ASTN2: variants seen among roughly 807,000 people sequenced by gnomAD.
The protein encoded by ASTN2 is astrotactin 2, also known as astrotactin-2.
Under a neutral mutation model 139.8 loss-of-function variants are expected in ASTN2, and 54 were observed. The ratio of observed to expected loss-of-function variants is 0.39; its 90% CI spans 0.31 to 0.48. ASTN2 has a LOEUF of 0.48. Among genes scored for constraint, ASTN2 ranks in the 20% least tolerant of loss-of-function variants. The pLI is 0.95. For synonymous variants in ASTN2, 756 were observed against 719.5 expected (o/e 1.05, Z -0.81); for missense variants, 1,565 against 1,725.1 (o/e 0.91, Z 1.64).
intron 20 of ASTN2, among the ~76,000 whole-genome samples, chr9:116,445,705 A>C (rs1250025076): frequency 6.6e-6 from 1 of 152,178 alleles, no homozygotes; most frequent in Non-Finnish European, 1.5e-5. Flanking sequence ...GCCTGCTTTG[A>C]GCCTCAGTCT....
chr9:117,012,220 C>T (rs1378629467), intron 6 of ASTN2, among the ~76,000 whole-genome samples: 2 of 152,136 alleles, frequency 1.3e-5, no homozygotes, highest in Non-Finnish European at 2.9e-5. Flanking sequence ...CCTGTGAGAG[C>T]CAGAATACAA....
rs1053272112 is a variant in ASTN2 at position 117,414,307 on chromosome 9, G to C, written c.442+190C>G. 1.3e-5 allele frequency among the ~76,000 whole-genome samples: 2 copies of C among 152,214 alleles called. No individual in the cohort carries two copies. Among genetic ancestry groups the C allele is most frequent in the Middle Eastern group, 3.4e-3 (1 of 294 alleles). On this transcript the variant is annotated intron_variant, in intron 1 of 22. Transcript: ENST00000313400. The surrounding 1 kb of genome is among the most constrained non-coding windows in gnomAD (Gnocchi z 4.2). The stretch of plus-strand genomic sequence containing the variant: ...GCACGCCCCCAGGCTCCCGCCGCGC[G>C]CTCTCCAGGACCTCCTCCCACATGC...
At chr9:116,977,813 T>G (rs1183852644) in intron 7 of ASTN2, among the ~76,000 whole-genome samples, 1 of 150,174 alleles carries the variant, frequency 6.7e-6, no homozygotes, top group Non-Finnish European at 1.5e-5. Context: ...ACCTCCCAGC[T>G]TCAAGTGATT....
chr9:117,285,080 T>C (rs1270143975), intron 2 of ASTN2, among the ~76,000 whole-genome samples: 1 of 152,244 alleles, frequency 6.6e-6, no homozygotes, highest in Non-Finnish European at 1.5e-5. Flanking sequence ...GATTACTCAG[T>C]TATTATTTCT....
In ASTN2 at chr9:116,815,804, CAAAAAAA is replaced by C. The variant is rs55954354; in HGVS notation, c.2207+4806_2207+4812del. On this transcript the variant is annotated intron_variant, in intron 12 of 22. Transcript: ENST00000313400. ...TGGGCAACAGAGCGAGACTCCGTCT[CAAAAAAA>C]AAAAAAAAAAAAAAAAAGTTGATGA... 1.0e-3 allele frequency among the ~76,000 whole-genome samples: 24 copies of C among 24,108 alleles called. 1 individual carries two copies. Among genetic ancestry groups the C allele is most frequent in the Non-Finnish European group, 1.3e-3 (20 of 14,964 alleles). 15.8% of individuals were successfully genotyped at this position (24,108 alleles called of 152,430 possible). A position where few individuals can be genotyped will look rare whatever the true frequency, so the allele number is the denominator to read the frequency against.
At chr9:117,142,595 C>T (rs1830101606) in intron 3 of ASTN2, among the ~76,000 whole-genome samples, 1 of 152,060 alleles carries the variant, frequency 6.6e-6, no homozygotes, top group African/African-American at 2.4e-5. Context: ...TTGTTAGTAG[C>T]CACATTTCCA....
chr9:116,577,959 T>C (rs1570200), intron 19 of ASTN2, among the ~76,000 whole-genome samples: 133,341 of 152,048 alleles, frequency 0.88, 58,582 homozygotes, highest in Admixed American at 0.91. Context: ...AGGAGATCAT[T>C]GGGGGATGCA....
intron 2 of ASTN2, among the ~76,000 whole-genome samples, chr9:117,290,009 A>G (rs1199943098): frequency 6.6e-6 from 1 of 152,238 alleles, no homozygotes; most frequent in Non-Finnish European, 1.5e-5. Context: ...GAAACGAGAA[A>G]GAGACTAAAA....
chr9:117,359,012 A>G (rs1248033104), intron 1 of ASTN2, among the ~76,000 whole-genome samples: 2 of 152,178 alleles, frequency 1.3e-5, no homozygotes, highest in East Asian at 1.9e-4. Flanking sequence ...TCTAAATATA[A>G]TTCCTCTAAG....
At chr9:117,122,847 A>C (rs1191746404) in intron 4 of ASTN2, among the ~76,000 whole-genome samples, 35 of 152,134 alleles carry the variant, frequency 2.3e-4, no homozygotes, top group Non-Finnish European at 7.3e-5. Flanking sequence ...GCTCCATGCG[A>C]AACATGTCCC....
chr9:117,118,727 C>T (rs879739140), intron 4 of ASTN2, among the ~76,000 whole-genome samples: 42 of 152,268 alleles, frequency 2.8e-4, no homozygotes, highest in Admixed American at 2.0e-4. Flanking sequence ...TCTCTTCCTG[C>T]CCTTCTCACT....
rs1265548057 is a variant in ASTN2 at position 116,565,381 on chromosome 9, CTCTCTCCATA to C, written c.3355+52933_3355+52942del. 4.0e-3 allele frequency among the ~76,000 whole-genome samples: 139 copies of C among 34,702 alleles called. 5 individuals are homozygous for C. The highest frequency in any genetic ancestry group is 0.016 in the African/African-American group (110 of 6,998). The allele number at this position is 34,702 out of a possible 152,430, so 22.8% of individuals were successfully genotyped here. A position where few individuals can be genotyped will look rare whatever the true frequency, so the allele number is the denominator to read the frequency against. On this transcript the variant is annotated intron_variant, in intron 19 of 22. Transcript: ENST00000313400. ...TCTCTCTCTCTCTCTCTCTCTCTCTCTCTCTCCATATATATATATATATATATATATATAT... is the reference window on the plus strand; with the variant it reads ...TCTCTCTCTCTCTCTCTCTCTCTCTCTATATATATATATATATATATATAT...
chr9:116,441,019 A>C (rs1847824908), intron 21 of ASTN2, among the ~76,000 whole-genome samples: 1 of 152,142 alleles, frequency 6.6e-6, no homozygotes, highest in African/African-American at 2.4e-5. Context: ...GGGAGAGCTA[A>C]ATTAAAGAGT....
At chr9:116,745,746 C>G (rs1260793741) in intron 13 of ASTN2, among the ~76,000 whole-genome samples, 1 of 152,188 alleles carries the variant, frequency 6.6e-6, no homozygotes, top group Non-Finnish European at 1.5e-5. Flanking sequence ...CAGCCTTGCC[C>G]CTTCCAATTC....
At chr9:117,340,537 G>C (rs1417723759) in intron 1 of ASTN2, among the ~76,000 whole-genome samples, 1 of 151,916 alleles carries the variant, frequency 6.6e-6, no homozygotes, top group Non-Finnish European at 1.5e-5. Context: ...ACCTGTGGGG[G>C]GAATGAAGGC....
At chr9:117,397,400 G>A (rs1830705697) in intron 1 of ASTN2, among the ~76,000 whole-genome samples, 1 of 152,170 alleles carries the variant, frequency 6.6e-6, no homozygotes. Context: ...TATTGCTGTT[G>A]AATTAGGTCA....
At chr9:117,006,831 A>T (rs777211443) in intron 7 of ASTN2, among the ~76,000 whole-genome samples, 23 of 152,154 alleles carry the variant, frequency 1.5e-4, no homozygotes, top group Non-Finnish European at 2.4e-4. Context: ...TAAACAGCAC[A>T]TTAGGCTGGG....
chr9:117,185,418 C>T (rs534780572), intron 3 of ASTN2, among the ~76,000 whole-genome samples: 1 of 152,286 alleles, frequency 6.6e-6, no homozygotes, highest in South Asian at 2.1e-4. Flanking sequence ...GTTTGAGGAT[C>T]TGCCACATTC....
chr9:116,969,402 C>T (rs187372118), intron 10 of ASTN2, among the ~76,000 whole-genome samples: 2 of 152,228 alleles, frequency 1.3e-5, no homozygotes, highest in Admixed American at 1.3e-4. Context: ...TGGAACAGTG[C>T]CACCTAAGGA....
Sources: allele counts gnomAD v4.1 joint callset (sites outside exome capture counted in the v4.1 genomes callset), GRCh38; gene constraint gnomAD v4.1.1; non-coding constraint Gnocchi (gnomAD v3.1); transcripts MANE v1.5; gene names NCBI Gene and HGNC (gene_info 2026-07-23, HGNC 2026-07-21).